Variants in HIBADH observed in about 807,000 individuals in gnomAD.
HIBADH encodes the protein 3-hydroxyisobutyrate dehydrogenase, mitochondrial.
Under a neutral mutation model 36.1 loss-of-function variants are expected in HIBADH, and 25 were observed. The ratio of observed to expected loss-of-function variants is 0.69; its 90% CI spans 0.50 to 0.97. HIBADH has a LOEUF of 0.97. Among genes scored for constraint, HIBADH ranks in the 50% least tolerant of loss-of-function variants. The probability of loss-of-function intolerance (pLI) is 0.00; values close to 1 mark genes in which losing one functional copy is unlikely to be tolerated. For missense variants in HIBADH, 421 were observed against 418.0 expected (o/e 1.01, Z -0.06); for synonymous variants, 160 against 149.5 (o/e 1.07, Z -0.51).
At chr7:27,540,817 C>T (rs1395019076) in intron 5 of HIBADH, among the ~76,000 whole-genome samples, 3 of 152,118 alleles carry the variant, frequency 2.0e-5, no homozygotes, top group Non-Finnish European at 2.9e-5. Context: ...GGGTACTGTC[C>T]AATATCAAAA....
At chr7:27,549,512 G>T (rs1350177788) in intron 4 of HIBADH, among the ~76,000 whole-genome samples, 2 of 152,050 alleles carry the variant, frequency 1.3e-5, no homozygotes, top group Non-Finnish European at 2.9e-5. Flanking sequence ...TACAAGTCTT[G>T]GGAAACTCTA....
rs572952328 is a variant in HIBADH, at chr7:27,528,710, G to A, written c.853-2338C>T. Reference sequence around the variant, plus strand: ...TAACATAAAAGTGGAAGGTGAAGCAGCAACTGCTGATGGAGAAACTGCAGG... The same window carrying A: ...TAACATAAAAGTGGAAGGTGAAGCAACAACTGCTGATGGAGAAACTGCAGG... On this transcript the variant is annotated intron_variant, in intron 7 of 7. Transcript: ENST00000265395. Among the ~76,000 whole-genome samples, 42 of 152,350 alleles carry A rather than the reference G, an allele frequency of 2.8e-4. 1 individual carries two copies. In the South Asian group the frequency reaches 8.7e-3, roughly 32 times the overall value.
intron 4 of HIBADH, among the ~76,000 whole-genome samples, chr7:27,581,942 C>T (rs1784799471): frequency 6.6e-6 from 1 of 151,870 alleles, no homozygotes; most frequent in Admixed American, 6.6e-5. Context: ...ATTTTAGTCC[C>T]CAACTTCATT....
rs559504484 is a variant in HIBADH at position 27,615,048 on chromosome 7, A to T, written c.484+14323T>A. ...CTCTAATCTTAACAGAAATGTTAAG[A>T]TTATAAAATAGCCTCTGAGGACTAG... On this transcript the variant is annotated intron_variant, in intron 4 of 7. Transcript: ENST00000265395. 7.9e-5 allele frequency among the ~76,000 whole-genome samples: 12 copies of T among 152,344 alleles called. No individual in the cohort carries two copies. The South Asian group carries it at 2.5e-3, about 32-fold the overall frequency.
At chr7:27,611,508 A>ACACC (rs3072898) in intron 4 of HIBADH, among the ~76,000 whole-genome samples, 18 of 151,346 alleles carry the variant, frequency 1.2e-4, no homozygotes, top group Non-Finnish European at 2.4e-4. Context: ...GCACACACAC[A>ACACC]CACCCACCCA....
intron 2 of HIBADH, among the ~76,000 whole-genome samples, chr7:27,647,088 A>G (rs1023252789): frequency 3.3e-5 from 5 of 152,214 alleles, no homozygotes; most frequent in African/African-American, 9.7e-5. Flanking sequence ...TAGAACAATT[A>G]TAACAATATG....
rs1408016311 is a variant in HIBADH, at chr7:27,558,053, C to A, written c.485-14953G>T. The stretch of plus-strand genomic sequence containing the variant: ...TATTTCTTCTGGACTTTCCATTTTT[C>A]TGCCCACAAACTTATAATTCCTTAT... On this transcript the variant is annotated intron_variant, in intron 4 of 7. Coordinates refer to ENST00000265395, the MANE Select transcript of HIBADH (RefSeq NM_152740.4). 4.6e-5 allele frequency among the ~76,000 whole-genome samples: 7 copies of A among 152,106 alleles called. No homozygotes were observed. The East Asian group carries it at 1.4e-3, about 29-fold the overall frequency.
intron 4 of HIBADH, among the ~76,000 whole-genome samples, chr7:27,560,037 CTA>C (rs1235284689): frequency 6.6e-6 from 1 of 152,180 alleles, no homozygotes; most frequent in Non-Finnish European, 1.5e-5. Context: ...TTTTGTTCCA[CTA>C]TAAGACATCC....
At chr7:27,589,265 G>A (rs963066189) in intron 4 of HIBADH, among the ~76,000 whole-genome samples, 2 of 151,950 alleles carry the variant, frequency 1.3e-5, no homozygotes, top group Non-Finnish European at 2.9e-5. Context: ...TTTGAATTAG[G>A]AAAACCTTAA....
intron 4 of HIBADH, among the ~76,000 whole-genome samples, chr7:27,614,620 T>C (rs1218159462): frequency 6.6e-6 from 1 of 152,358 alleles, no homozygotes; most frequent in East Asian, 1.9e-4. Flanking sequence ...TGCAATAGCA[T>C]GGATTTCATA....
intron 7 of HIBADH, among the ~76,000 whole-genome samples, chr7:27,529,023 T>C (rs1053186352): frequency 1.3e-5 from 2 of 152,200 alleles, no homozygotes; most frequent in Non-Finnish European, 2.9e-5. Context: ...GCTCTCCAAA[T>C]GGAACAGCAA....
chr7:27,600,892 G>A (rs563937172), intron 4 of HIBADH, among the ~76,000 whole-genome samples: 13 of 152,068 alleles, frequency 8.5e-5, no homozygotes, highest in Non-Finnish European at 1.8e-4. Flanking sequence ...AGAAATCTAT[G>A]AGTTATGAAG....
chr7:27,662,820 C>T lies in HIBADH; in HGVS notation c.-32G>A. ...CCCGCCCCTCTCCCCGCGGTGACCTCCGCCGCCTCCCGGAGGGCCCACAGA... is the reference window on the plus strand; with the variant it reads ...CCCGCCCCTCTCCCCGCGGTGACCTTCGCCGCCTCCCGGAGGGCCCACAGA... On this transcript the variant is annotated 5_prime_UTR_variant, in exon 1 of 8. Transcript: ENST00000265395. 2.1e-6 allele frequency: 3 copies of T among 1,443,172 alleles called. No homozygotes were observed. The South Asian group carries it at 4.0e-5, about 19-fold the overall frequency. 89.4% of individuals were successfully genotyped at this position (1,443,172 alleles called of 1,614,324 possible).
At chr7:27,611,493 TGC>T (rs201429738) in intron 4 of HIBADH, among the ~76,000 whole-genome samples, 2 of 127,996 alleles carry the variant, frequency 1.6e-5, no homozygotes, top group African/African-American at 2.9e-5. Flanking sequence ...ACTGCGTGTG[TGC>T]GCGCACACAC....
At chr7:27,569,692 T>C (rs902515661) in intron 4 of HIBADH, among the ~76,000 whole-genome samples, 3 of 151,860 alleles carry the variant, frequency 2.0e-5, no homozygotes, top group African/African-American at 7.3e-5. Context: ...TGCCACCCGG[T>C]CCTCTGACTA....
rs115493325 is a variant in HIBADH at position 27,577,516 on chromosome 7, C to T, written c.485-34416G>A. Among the ~76,000 whole-genome samples the T allele has an allele frequency of 6.8e-3, 1,032 of 152,182 alleles. 8 individuals are homozygous for T. Among genetic ancestry groups the T allele is most frequent in the African/African-American group, 0.019 (778 of 41,510 alleles). ...CAAATCTTTTTAAAAGACCCATATC[C>T]TTGTAATAATAATTTATGTTAAATT... On this transcript the variant is annotated intron_variant, in intron 4 of 7. Transcript: ENST00000265395.
At chr7:27,651,034 A>G (rs1373379988) in intron 1 of HIBADH, among the ~76,000 whole-genome samples, 1 of 152,138 alleles carries the variant, frequency 6.6e-6, no homozygotes, top group East Asian at 1.9e-4. Flanking sequence ...TTGCTCTTCC[A>G]TTTCCCAGCA....
chr7:27,562,015 C>CAT (rs1337017497), intron 4 of HIBADH, among the ~76,000 whole-genome samples: 2 of 152,130 alleles, frequency 1.3e-5, no homozygotes, highest in East Asian at 3.9e-4. Flanking sequence ...GGGTGTGTGT[C>CAT]TTATAAATAA....
chr7:27,637,533 C>T (rs79196258), intron 2 of HIBADH, among the ~76,000 whole-genome samples: 2,445 of 152,236 alleles, frequency 0.016, 55 homozygotes, highest in African/African-American at 0.055. Flanking sequence ...TCTTGAAAAC[C>T]GGAACCAGGC....
Sources: allele counts gnomAD v4.1 joint callset (sites outside exome capture counted in the v4.1 genomes callset), GRCh38; gene constraint gnomAD v4.1.1; transcripts MANE v1.5; gene names NCBI Gene and HGNC (gene_info 2026-07-23, HGNC 2026-07-21).